CCDC141: variants seen among roughly 807,000 people sequenced by gnomAD.
The protein encoded by CCDC141 is coiled-coil domain-containing protein 141.
Under a neutral mutation model 181.0 loss-of-function variants are expected in CCDC141, and 168 were observed. The observed-to-expected ratio is 0.93, with a 90% confidence interval of 0.82 to 1.05. CCDC141 has a LOEUF of 1.05. Among genes scored for constraint, CCDC141 ranks in the 50% least tolerant of loss-of-function variants. CCDC141 has a pLI of 0.00. For missense variants in CCDC141, 1,902 were observed against 1,788.5 expected, an observed-to-expected ratio of 1.06 and a Z score of -1.14; for synonymous variants, 666 against 642.3, an observed-to-expected ratio of 1.04 and a Z score of -0.56.
chr2:178,861,671 A>G (rs1024320749), intron 17 of CCDC141, among the ~76,000 whole-genome samples: 1 of 150,532 alleles, frequency 6.6e-6, no homozygotes, highest in African/African-American at 2.4e-5. Context: ...TTGTAGAGGC[A>G]GGGTCTCACC....
intron 10 of CCDC141, among the ~76,000 whole-genome samples, chr2:178,885,675 CTGTTA>C (rs1013449710): frequency 6.6e-6 from 1 of 152,094 alleles, no homozygotes; most frequent in Non-Finnish European, 1.5e-5. Context: ...AGTGTAATTT[CTGTTA>C]TGTGAACTCC....
At chr2:178,860,603 G>C (rs1432359317) in intron 17 of CCDC141, among the ~76,000 whole-genome samples, 1 of 118,900 alleles carries the variant, frequency 8.4e-6, no homozygotes, top group African/African-American at 3.5e-5. Flanking sequence ...ATCTTGCCCA[G>C]GCTGGACTTG....
At position 178,832,540 on chromosome 2, in the gene CCDC141, A is replaced by G. The variant is rs1684300795; in HGVS notation, c.*1633T>C. 6.6e-6 allele frequency: 1 copy of G among 151,838 alleles called. No homozygotes were observed. The highest frequency in any genetic ancestry group is 1.5e-5 in the Non-Finnish European group (1 of 67,948). 9.4% of individuals were successfully genotyped at this position (151,838 alleles called of 1,614,324 possible). On this transcript the variant is annotated 3_prime_UTR_variant, in exon 24 of 24. Coordinates refer to ENST00000443758, the MANE Select transcript of CCDC141 (RefSeq NM_173648.4). ...AATTTCCTAGAATGCTGTGTATACA[A>G]GCTTTTAATATAGTTCTATCAAAAT...
At chr2:178,865,240 C>T (rs561000251) in intron 17 of CCDC141, among the ~76,000 whole-genome samples, 49 of 152,254 alleles carry the variant, frequency 3.2e-4, no homozygotes, top group African/African-American at 1.1e-3. Flanking sequence ...AAATATGAAA[C>T]CAGCCACTTG....
intron 2 of CCDC141, among the ~76,000 whole-genome samples, chr2:178,983,159 T>TGACCCCC (rs1307661456): frequency 1.3e-5 from 2 of 152,176 alleles, no homozygotes; most frequent in South Asian, 4.1e-4. Context: ...CCCTGACCCC[T>TGACCCCC]GACCCCCGAC....
rs2042233810 is a variant in CCDC141, at chr2:179,010,407, C to T, written c.226-31732G>A. Among the ~76,000 whole-genome samples, 4 of 152,080 alleles carry T rather than the reference C, an allele frequency of 2.6e-5. No individual in the cohort carries two copies. The South Asian group carries it at 8.3e-4, about 32-fold the overall frequency. On this transcript the variant is annotated intron_variant, in intron 2 of 23. Transcript: ENST00000443758. ...CTTAAGAGCTGTGAGACAAAATTGC[C>T]ACATACTCTATAAAGGAAAACTTAC...
At chr2:178,934,207 G>C (rs1689201462) in intron 6 of CCDC141, among the ~76,000 whole-genome samples, 1 of 151,982 alleles carries the variant, frequency 6.6e-6, no homozygotes, top group Admixed American at 6.6e-5. Flanking sequence ...CTTAACCAAG[G>C]GTTGAAGCTA....
At chr2:178,858,694 A>C (rs1191156214) in intron 17 of CCDC141, among the ~76,000 whole-genome samples, 4 of 152,086 alleles carry the variant, frequency 2.6e-5, no homozygotes, top group Non-Finnish European at 4.4e-5. Context: ...TGTCACTAAC[A>C]CTTATCCATT....
chr2:178,961,989 A>C lies in CCDC141; in HGVS notation c.527-506T>G, dbSNP rs560918853. Among the ~76,000 whole-genome samples, 7 of 152,350 alleles carry C rather than the reference A, an allele frequency of 4.6e-5. No individual in the cohort carries two copies. The South Asian group carries it at 1.4e-3, about 32-fold the overall frequency. On this transcript the variant is annotated intron_variant, in intron 4 of 23. Coordinates refer to ENST00000443758, the MANE Select transcript of CCDC141 (RefSeq NM_173648.4). ...CACTCAGTTCTGGCGAACAGTTGAC[A>C]TGAGGAATATGGGTTCAGTGTTGAT...
chr2:178,903,246 C>A (rs1575193812), intron 8 of CCDC141, among the ~76,000 whole-genome samples: 2 of 150,682 alleles, frequency 1.3e-5, no homozygotes, highest in African/African-American at 4.9e-5. Context: ...ACCCAGCCAT[C>A]CCATTACTGG....
intron 6 of CCDC141, among the ~76,000 whole-genome samples, chr2:178,919,328 C>CA: frequency 6.6e-6 from 1 of 152,028 alleles, no homozygotes; most frequent in Non-Finnish European, 1.5e-5. Flanking sequence ...CTGAGTATAT[C>CA]AAAAATCTGC....
intron 17 of CCDC141, among the ~76,000 whole-genome samples, chr2:178,860,365 T>G (rs2154368023): frequency 6.6e-6 from 1 of 151,358 alleles, no homozygotes; most frequent in Admixed American, 6.6e-5. Context: ...AAACCCCACC[T>G]CTACTAAAAA....
At chr2:178,919,588 T>C (rs1688598157) in intron 6 of CCDC141, among the ~76,000 whole-genome samples, 1 of 152,214 alleles carries the variant, frequency 6.6e-6, no homozygotes, top group Non-Finnish European at 1.5e-5. Flanking sequence ...GTTTTAAATC[T>C]TGAACTCATT....
In CCDC141 at chr2:178,872,166, C is replaced by T. The variant is rs771556074; in HGVS notation, c.2046G>A (p.Gln682=). 16 of 1,613,762 alleles carry T rather than the reference C, an allele frequency of 9.9e-6. 1 individual carries two copies. In the South Asian group the frequency reaches 1.4e-4, roughly 14 times the overall value. The change falls in exon 13 of 24, where the codon CAG becomes CAA. Residue 682 remains glutamine (Q), a synonymous_variant. Transcript: ENST00000443758. ...LKATESKPGK[Q]QWAAFKEQLK... ...GTTGCTCTTTGAATGCCGCCCACTGCTGTTTTCCAGGCTTGCTTTCCGTGG... is the reference window on the plus strand; with the variant it reads ...GTTGCTCTTTGAATGCCGCCCACTGTTGTTTTCCAGGCTTGCTTTCCGTGG...
chr2:179,045,647 A>G (rs1022159215), intron 2 of CCDC141, among the ~76,000 whole-genome samples: 1 of 151,412 alleles, frequency 6.6e-6, no homozygotes, highest in African/African-American at 2.4e-5. Context: ...AAGTGTTCCT[A>G]TTTCTCCACA....
chr2:178,831,863 C>G lies in CCDC141; in HGVS notation c.*2310G>C, dbSNP rs1684260874. 1 of 152,314 alleles carries G rather than the reference C, an allele frequency of 6.6e-6. No homozygotes were observed. Among genetic ancestry groups the G allele is most frequent in the African/African-American group, 2.4e-5 (1 of 41,422 alleles). The allele number at this position is 152,314 out of a possible 1,614,324, so 9.4% of individuals were successfully genotyped here. ...TCTGATCTTTGTGCTCCCCCACCCC[C>G]ACCTTTCTCTTTCTCTCTCTCTCTA... On this transcript the variant is annotated 3_prime_UTR_variant, in exon 24 of 24. Transcript: ENST00000443758.
chr2:178,861,219 T>G (rs1575140566), intron 17 of CCDC141, among the ~76,000 whole-genome samples: 1 of 151,726 alleles, frequency 6.6e-6, no homozygotes. Flanking sequence ...CAGGCTAGAG[T>G]GCAGTGACGT....
At chr2:178,885,659 C>G (rs894965001) in intron 10 of CCDC141, among the ~76,000 whole-genome samples, 2 of 152,092 alleles carry the variant, frequency 1.3e-5, no homozygotes, top group African/African-American at 4.8e-5. Flanking sequence ...CCTATGTTTT[C>G]TTCTGAGTGT....
chr2:178,890,548 A>G (rs551533804), intron 8 of CCDC141, among the ~76,000 whole-genome samples: 2 of 152,216 alleles, frequency 1.3e-5, no homozygotes, highest in East Asian at 1.9e-4. Flanking sequence ...AGCTTCTTGC[A>G]GTTATCTATA....
Sources: gnomAD v4.1 joint callset for allele counts (sites outside exome capture counted in the v4.1 genomes callset) on GRCh38, gnomAD v4.1.1 for gene constraint, MANE v1.5 for transcripts, NCBI Gene and HGNC (gene_info 2026-07-23, HGNC 2026-07-21) for gene names.